The following PDE4D variants were observed in gnomAD, a reference collection of about 807,000 sequenced individuals.
PDE4D encodes the protein 3',5'-cyclic-AMP phosphodiesterase 4D.
In PDE4D, 24 loss-of-function variants were observed where a neutral mutation model predicts 87.4. The ratio of observed to expected loss-of-function variants is 0.27; its 90% CI spans 0.20 to 0.39. The LOEUF is 0.39. Ranked by LOEUF, PDE4D falls within the 10% of genes least tolerant of loss-of-function variation. PDE4D has a pLI of 1.00. For synonymous variants in PDE4D, 384 were observed against 383.2 expected, an observed-to-expected ratio of 1.00 and a Z score of -0.02; for missense variants, 714 against 1,041.0, an observed-to-expected ratio of 0.69 and a Z score of 4.32.
intron 1 of PDE4D, among the ~76,000 whole-genome samples, chr5:59,307,283 T>A (rs1174335879): frequency 7.1e-6 from 1 of 140,378 alleles, no homozygotes; most frequent in Non-Finnish European, 1.5e-5. Flanking sequence ...GCATTACCAT[T>A]CAGGACACAG....
chr5:60,473,256 G>A (rs1223010731), intron 1 of PDE4D, among the ~76,000 whole-genome samples: 2 of 150,314 alleles, frequency 1.3e-5, no homozygotes, highest in African/African-American at 2.5e-5. Flanking sequence ...AAGGAAGGAA[G>A]GAAGGGAAGG....
In PDE4D at chr5:58,975,587, T is replaced by C; in HGVS notation, c.2013+70A>G. 1 of 1,218,056 alleles carries C rather than the reference T, an allele frequency of 8.2e-7. No homozygotes were observed. 75.5% of individuals were successfully genotyped at this position (1,218,056 alleles called of 1,614,324 possible). A position where few individuals can be genotyped will look rare whatever the true frequency, so the allele number is the denominator to read the frequency against. ...AAATCCAGTAAAATACTATCATATG[T>C]AATACAAAGTAACCAAATGCTAAAG... is the stretch of plus-strand genomic sequence containing the variant. On this transcript the variant is annotated intron_variant, in intron 14 of 14. Coordinates refer to ENST00000340635, the MANE Select transcript of PDE4D (RefSeq NM_001104631.2). The surrounding 1 kb of genome is among the most constrained non-coding windows in gnomAD (Gnocchi z 4.2).
At chr5:59,116,466 A>T (rs904347765) in intron 5 of PDE4D, among the ~76,000 whole-genome samples, 1 of 152,216 alleles carries the variant, frequency 6.6e-6, no homozygotes, top group Admixed American at 6.5e-5. Context: ...ATCAATGAGC[A>T]TCGAGGTACA....
chr5:59,003,662 A>G (rs1171954021), intron 6 of PDE4D, among the ~76,000 whole-genome samples: 1 of 152,214 alleles, frequency 6.6e-6, no homozygotes, highest in African/African-American at 2.4e-5. Flanking sequence ...TGGGGTGATA[A>G]GCACAATGGA....
chr5:59,079,881 A>AGAGGAGAGGAGAGGAGAGGC (rs1766410848), intron 5 of PDE4D, among the ~76,000 whole-genome samples: 1 of 101,400 alleles, frequency 9.9e-6, no homozygotes. Flanking sequence ...AGAGGAGAGG[A>AGAGGAGAGGAGAGGAGAGGC]GAAGGGGAAT....
chr5:60,108,632 A>C (rs1192381411), intron 2 of PDE4D, among the ~76,000 whole-genome samples: 1 of 152,114 alleles, frequency 6.6e-6, no homozygotes, highest in Non-Finnish European at 1.5e-5. Context: ...ACAGTAACCA[A>C]AACAGCATGG....
chr5:59,836,114 G>T (rs1390873382), intron 1 of PDE4D, among the ~76,000 whole-genome samples: 3 of 151,990 alleles, frequency 2.0e-5, no homozygotes, highest in Admixed American at 2.0e-4. Flanking sequence ...CAAAGGTTTA[G>T]AACAGTGCCT....
intron 1 of PDE4D, among the ~76,000 whole-genome samples, chr5:59,332,173 G>T (rs1379868424): frequency 6.6e-6 from 1 of 152,052 alleles, no homozygotes; most frequent in East Asian, 1.9e-4. Flanking sequence ...ATTTATTCTT[G>T]TTTTTATCTT....
chr5:60,463,715 G>A (rs186715001), intron 1 of PDE4D, among the ~76,000 whole-genome samples: 1 of 152,228 alleles, frequency 6.6e-6, no homozygotes, highest in East Asian at 1.9e-4. Flanking sequence ...CTACTTTGAG[G>A]TCTTCCCAGA....
intron 5 of PDE4D, among the ~76,000 whole-genome samples, chr5:59,088,639 T>A (rs1768153616): frequency 6.6e-6 from 1 of 152,190 alleles, no homozygotes; most frequent in Non-Finnish European, 1.5e-5. Context: ...AATGAGATAG[T>A]GTCCTTTCCA....
chr5:60,261,884 A>G (rs1331531724), intron 1 of PDE4D, among the ~76,000 whole-genome samples: 1 of 152,116 alleles, frequency 6.6e-6, no homozygotes, highest in African/African-American at 2.4e-5. Context: ...CCAACCCTGT[A>G]TCCTGCATCA....
At chr5:60,378,212 T>G (rs1161300979) in intron 1 of PDE4D, among the ~76,000 whole-genome samples, 3 of 152,214 alleles carry the variant, frequency 2.0e-5, no homozygotes, top group Admixed American at 2.0e-4. Flanking sequence ...TATTTCATGG[T>G]GACATGAATG....
At chr5:60,050,807 C>T (rs1441155252) in intron 2 of PDE4D, among the ~76,000 whole-genome samples, 1 of 152,124 alleles carries the variant, frequency 6.6e-6, no homozygotes, top group Non-Finnish European at 1.5e-5. Flanking sequence ...CGTGCAACAA[C>T]ACACATAGGC....
At chr5:59,217,252 A>G (rs898680001) in intron 1 of PDE4D, 5 of 455,908 alleles carry the variant, frequency 1.1e-5, no homozygotes, top group Non-Finnish European at 1.8e-5. Context: ...GTGGTTTTAA[A>G]GAAAAACTTG....
At chr5:59,010,571 T>G (rs1163695034) in intron 6 of PDE4D, among the ~76,000 whole-genome samples, 3 of 152,110 alleles carry the variant, frequency 2.0e-5, no homozygotes, top group East Asian at 3.9e-4. Flanking sequence ...GGAGACTGTT[T>G]GTCAGTCATC....
At chr5:60,157,289 C>T (rs931947444) in intron 2 of PDE4D, among the ~76,000 whole-genome samples, 2 of 152,178 alleles carry the variant, frequency 1.3e-5, no homozygotes, top group African/African-American at 2.4e-5. Context: ...TCTTATTTTA[C>T]TTATACATTC....
intron 1 of PDE4D, among the ~76,000 whole-genome samples, chr5:60,352,073 G>A (rs1321001657): frequency 2.6e-5 from 4 of 151,630 alleles, no homozygotes; most frequent in Non-Finnish European, 5.9e-5. Context: ...CCAAAGTGCT[G>A]GGATTACAGG....
intron 1 of PDE4D, among the ~76,000 whole-genome samples, chr5:59,280,715 A>G (rs1180352009): frequency 6.6e-6 from 1 of 152,138 alleles, no homozygotes; most frequent in African/African-American, 2.4e-5. Flanking sequence ...CAATTCATAC[A>G]CAAGAATGAG....
intron 5 of PDE4D, among the ~76,000 whole-genome samples, chr5:59,143,197 C>T (rs2153456330): frequency 6.6e-6 from 1 of 151,086 alleles, no homozygotes; most frequent in South Asian, 2.1e-4. Context: ...TCCTTCCCTC[C>T]CTCTTTTCCT....
Sources: allele counts gnomAD v4.1 joint callset (sites outside exome capture counted in the v4.1 genomes callset), GRCh38; gene constraint gnomAD v4.1.1; non-coding constraint Gnocchi (gnomAD v3.1); transcripts MANE v1.5; gene names NCBI Gene and HGNC (gene_info 2026-07-23, HGNC 2026-07-21).